Variants in GFRA1 observed in about 807,000 individuals in gnomAD.
The protein encoded by GFRA1 is GDNF family receptor alpha-1.
GFRA1 carries 16 observed loss-of-function variants against 51.6 expected under a neutral mutation model. The ratio of observed to expected loss-of-function variants is 0.31; its 90% CI spans 0.21 to 0.47. The LOEUF (loss-of-function observed/expected upper bound fraction) is 0.47. GFRA1 is among the 20% of genes least tolerant of loss of function. GFRA1 has a pLI of 1.00. For missense variants in GFRA1, 530 were observed against 594.3 expected (o/e 0.89, Z 1.13); for synonymous variants, 270 against 241.3 (o/e 1.12, Z -1.10).
At chr10:116,078,116 C>T (rs1565557525) in intron 9 of GFRA1, among the ~76,000 whole-genome samples, 1 of 152,044 alleles carries the variant, frequency 6.6e-6, no homozygotes, top group Non-Finnish European at 1.5e-5. Flanking sequence ...TTTTTTGTAC[C>T]AGTTAGTTAT....
At chr10:116,087,245 G>A (rs1353570995) in intron 9 of GFRA1, among the ~76,000 whole-genome samples, 4 of 139,556 alleles carry the variant, frequency 2.9e-5, no homozygotes, top group East Asian at 2.2e-4. Context: ...ACTGTACCAC[G>A]GGGAGCCCAA....
intron 4 of GFRA1, among the ~76,000 whole-genome samples, chr10:116,267,940 A>AACACACACACAC (rs58079628): frequency 3.3e-4 from 49 of 146,392 alleles, no homozygotes; most frequent in East Asian, 4.1e-4. Flanking sequence ...CTGACAGACT[A>AACACACACACAC]ACACACACAC....
At chr10:116,122,993 T>C (rs2134013033) in intron 6 of GFRA1, among the ~76,000 whole-genome samples, 1 of 152,342 alleles carries the variant, frequency 6.6e-6, no homozygotes, top group East Asian at 1.9e-4. Context: ...TGGGGATCCC[T>C]TCTGCTTAGA....
At chr10:116,142,221 C>T (rs1035684741) in intron 5 of GFRA1, among the ~76,000 whole-genome samples, 1 of 152,212 alleles carries the variant, frequency 6.6e-6, no homozygotes, top group African/African-American at 2.4e-5. Context: ...GTTTGTTATA[C>T]ACATCTCGGT....
chr10:116,137,440 C>T, intron 5 of GFRA1, among the ~76,000 whole-genome samples: 1 of 152,116 alleles, frequency 6.6e-6, no homozygotes, highest in African/African-American at 2.4e-5. Flanking sequence ...CCTTTCCTCC[C>T]ACGAGCCTAT....
intron 4 of GFRA1, among the ~76,000 whole-genome samples, chr10:116,262,580 C>G (rs1969373662): frequency 6.6e-6 from 1 of 152,132 alleles, no homozygotes; most frequent in Non-Finnish European, 1.5e-5. Flanking sequence ...GAAAAGGCTC[C>G]TATTAGCATG....
intron 4 of GFRA1, among the ~76,000 whole-genome samples, chr10:116,236,710 C>A (rs1262623941): frequency 6.6e-6 from 1 of 152,148 alleles, no homozygotes; most frequent in Non-Finnish European, 1.5e-5. Flanking sequence ...TGGAAATTCA[C>A]CACCTCACAG....
chr10:116,190,861 A>C (rs1026952132), intron 5 of GFRA1, among the ~76,000 whole-genome samples: 1 of 152,266 alleles, frequency 6.6e-6, no homozygotes, highest in African/African-American at 2.4e-5. Context: ...TTAAAGGCAT[A>C]ATAACACAAT....
chr10:116,138,660 C>T (rs986314494), intron 5 of GFRA1, among the ~76,000 whole-genome samples: 2 of 139,804 alleles, frequency 1.4e-5, no homozygotes, highest in Non-Finnish European at 3.0e-5. Context: ...ACCCAACACA[C>T]ACCTTCACAA....
chr10:116,192,431 C>G lies in GFRA1; in HGVS notation c.433+19200G>C, dbSNP rs186238657. Reference sequence around the variant, plus strand: ...TCACCACCAGCTCCAGAAAACCCATCTGAATGGTTCTCCCCAAGAGGCCCC... The same window carrying G: ...TCACCACCAGCTCCAGAAAACCCATGTGAATGGTTCTCCCCAAGAGGCCCC... On this transcript the variant is annotated intron_variant, in intron 5 of 10. Transcript: ENST00000355422. Among the ~76,000 whole-genome samples the G allele has an allele frequency of 1.8e-3, 278 of 152,320 alleles. 1 individual carries two copies. The highest frequency in any genetic ancestry group is 3.6e-3 in the Non-Finnish European group (243 of 68,034).
chr10:116,166,734 C>T (rs1960454659), intron 5 of GFRA1, among the ~76,000 whole-genome samples: 1 of 147,552 alleles, frequency 6.8e-6, no homozygotes, highest in African/African-American at 2.5e-5. Flanking sequence ...ACTCTGATTC[C>T]AGCCAAAACA....
At chr10:116,206,924 A>G (rs9731211) in intron 5 of GFRA1, among the ~76,000 whole-genome samples, 55,263 of 151,834 alleles carry the variant, frequency 0.36, 10,942 homozygotes, top group African/African-American at 0.52. Flanking sequence ...GAGCCACCGC[A>G]CCCGGCCTGA....
chr10:116,254,991 C>T lies in GFRA1; in HGVS notation c.418+14512G>A, dbSNP rs1386236905. On this transcript the variant is annotated intron_variant, in intron 4 of 10. Coordinates refer to ENST00000355422, the MANE Select transcript of GFRA1 (RefSeq NM_005264.8). The stretch of plus-strand genomic sequence containing the variant: ...CAAGAATTCTGACCCTCACCTGACC[C>T]CACGCACAAGGCAGTTGCAGTAAGT... 2.6e-5 allele frequency among the ~76,000 whole-genome samples: 4 copies of T among 152,160 alleles called. No individual in the cohort carries two copies. In the East Asian group the frequency reaches 7.7e-4, roughly 29 times the overall value.
At chr10:116,069,972 A>G (rs1302919423) in intron 9 of GFRA1, among the ~76,000 whole-genome samples, 1 of 152,174 alleles carries the variant, frequency 6.6e-6, no homozygotes, top group Non-Finnish European at 1.5e-5. Flanking sequence ...TAGAGAAGCC[A>G]GTATTTAAGC....
chr10:116,108,966 G>A (rs1161262837), intron 6 of GFRA1, among the ~76,000 whole-genome samples: 2 of 152,142 alleles, frequency 1.3e-5, no homozygotes, highest in Non-Finnish European at 2.9e-5. Flanking sequence ...CACTCATCAC[G>A]GACACTTGGT....
rs896015394 is a variant in GFRA1 at position 116,064,260 on chromosome 10, A to C, written c.*138T>G. 3.7e-5 allele frequency: 29 copies of C among 775,622 alleles called. No homozygotes were observed. The highest frequency in any genetic ancestry group is 3.7e-4 in the Middle Eastern group (1 of 2,710). The allele number at this position is 775,622 out of a possible 1,614,324, so 48.0% of individuals were successfully genotyped here. ...CACAAGAAGCTTTCTTAAAAGGAAA[A>C]AAAAAAAATGTTCCAGTTGAATGGA... On this transcript the variant is annotated 3_prime_UTR_variant, in exon 11 of 11. Transcript: ENST00000355422.
chr10:116,204,669 A>G (rs1307576145), intron 5 of GFRA1, among the ~76,000 whole-genome samples: 1 of 152,254 alleles, frequency 6.6e-6, no homozygotes, highest in Non-Finnish European at 1.5e-5. Flanking sequence ...CCAAGTGGCC[A>G]AAATGGGAAC....
intron 5 of GFRA1, among the ~76,000 whole-genome samples, chr10:116,168,318 CCTCTCCCGCTA>C (rs1474779040): frequency 6.6e-6 from 1 of 152,008 alleles, no homozygotes; most frequent in Non-Finnish European, 1.5e-5. Flanking sequence ...AAAGAGCTGC[CCTCTCCCGCTA>C]CCATGTTATC....
intron 5 of GFRA1, 82 bp from the exon 6 acceptor site, chr10:116,125,639 C>A: frequency 9.0e-7 from 1 of 1,111,390 alleles, no homozygotes; most frequent in Non-Finnish European, 1.3e-6. Flanking sequence ...GAGATCCTGC[C>A]ATTTATCTGG....
Sources: allele counts gnomAD v4.1 joint callset (sites outside exome capture counted in the v4.1 genomes callset), GRCh38; gene constraint gnomAD v4.1.1; transcripts MANE v1.5; gene names NCBI Gene and HGNC (gene_info 2026-07-23, HGNC 2026-07-21).